Variants in FANCD2OS observed in about 807,000 individuals in gnomAD.
FANCD2OS encodes FANCD2 opposite strand protein.
In FANCD2OS, 11 loss-of-function variants were observed where a neutral mutation model predicts 13.2. The observed-to-expected ratio is 0.83, with a 90% CI of 0.52 to 1.38. The LOEUF (loss-of-function observed/expected upper bound fraction) is 1.38. FANCD2OS is among the 40% of genes most tolerant of loss of function. The pLI is 0.00. For missense variants in FANCD2OS, 217 were observed against 213.9 expected (o/e 1.01, Z -0.09); for synonymous variants, 69 against 84.5 (o/e 0.82, Z 1.01).
chr3:10,090,299 TTTG>T lies in FANCD2OS; in HGVS notation c.*44-8771_*44-8769del, dbSNP rs1694511154. On this transcript the variant is annotated intron_variant, in intron 2 of 2. Transcript: ENST00000524279. ...GCTTTTCCCGTCTTCTAGGCATACT[TTTG>T]TTGTTTTCTTCCGTGTGATGATGGC... 6.2e-7 allele frequency: 1 copy of T among 1,613,050 alleles called. No homozygotes were observed. The highest frequency in any genetic ancestry group is 8.5e-7 in the Non-Finnish European group (1 of 1,179,396).
At position 10,094,419 on chromosome 3, in the gene FANCD2OS, T is replaced by C. The variant is rs34441486; in HGVS notation, c.*43+9779A>G. 739 of 1,439,450 alleles carry C rather than the reference T, an allele frequency of 5.1e-4. 9 individuals are homozygous for C. The East Asian group carries it at 0.015, about 29-fold the overall frequency. The allele number at this position is 1,439,450 out of a possible 1,614,324, so 89.2% of individuals were successfully genotyped here. Reference sequence around the variant, plus strand: ...GCACTGAAGAGTTGCTCAGAAGATATGTCCTTGGTGACTCCTGGGTGGGGC... The same window carrying C: ...GCACTGAAGAGTTGCTCAGAAGATACGTCCTTGGTGACTCCTGGGTGGGGC... On this transcript the variant is annotated intron_variant, in intron 2 of 2. Transcript: ENST00000524279.
downstream of FANCD2OS, among the ~76,000 whole-genome samples, chr3:10,102,484 A>G (rs1267546858): frequency 5.3e-5 from 8 of 152,020 alleles, no homozygotes; most frequent in Non-Finnish European, 1.2e-4. Flanking sequence ...GTCAAAAGGA[A>G]TGTTTTGGCT....
At chr3:10,096,375 C>G (rs1694965189) in intron 2 of FANCD2OS, 1 of 1,613,908 alleles carries the variant, frequency 6.2e-7, no homozygotes, top group Admixed American at 1.7e-5. Context: ...CTCAAAAAGA[C>G]CCTGGAACTT....
At chr3:10,086,586 A>G (rs1694220226) in intron 2 of FANCD2OS, among the ~76,000 whole-genome samples, 1 of 151,930 alleles carries the variant, frequency 6.6e-6, no homozygotes, top group Admixed American at 6.6e-5. Flanking sequence ...GGCTCAAGTG[A>G]TTGTACTGCC....
At position 10,092,161 on chromosome 3, in the gene FANCD2OS, C is replaced by T. The variant is rs751107447; in HGVS notation, c.*44-10630G>A. The stretch of plus-strand genomic sequence containing the variant: ...TATTTGGCTGTGACTCAGAGGTGCC[C>T]ATATATTTGGCTGCCCCAGATTCAT... On this transcript the variant is annotated intron_variant, in intron 2 of 2. Transcript: ENST00000524279. 2.4e-5 allele frequency: 38 copies of T among 1,587,584 alleles called. No homozygotes were observed. The highest frequency in any genetic ancestry group is 3.0e-5 in the Non-Finnish European group (35 of 1,155,962).
chr3:10,106,044 C>A (rs1186167890), intron 1 of FANCD2OS, among the ~76,000 whole-genome samples: 4 of 151,808 alleles, frequency 2.6e-5, no homozygotes, highest in Non-Finnish European at 5.9e-5. Flanking sequence ...TTACTGAGAT[C>A]ATCTCCTGGC....
intron 1 of FANCD2OS, among the ~76,000 whole-genome samples, chr3:10,105,773 T>TAAAA (rs1695472708): frequency 2.1e-3 from 3 of 1,410 alleles, no homozygotes; most frequent in African/African-American, 8.1e-3. Flanking sequence ...AAAAAAAAAT[T>TAAAA]ATATATATAT....
chr3:10,100,142 C>T (rs565445624), downstream of FANCD2OS, among the ~76,000 whole-genome samples: 1 of 152,014 alleles, frequency 6.6e-6, no homozygotes, highest in Non-Finnish European at 1.5e-5. Flanking sequence ...GAGCCATCAT[C>T]ACACTCCAGC....
At chr3:10,091,074 T>A (rs1383260629) in intron 2 of FANCD2OS, among the ~76,000 whole-genome samples, 2 of 151,720 alleles carry the variant, frequency 1.3e-5, no homozygotes, top group African/African-American at 4.8e-5. Context: ...AGCCAGTATA[T>A]GTTTTTTCTT....
At chr3:10,087,049 G>A in intron 2 of FANCD2OS, 1 of 1,462,104 alleles carries the variant, frequency 6.8e-7, no homozygotes, top group South Asian at 1.1e-5. Flanking sequence ...CACTGAAAGG[G>A]ACTTGGGCAC....
chr3:10,096,234 G>A (rs1231450209), intron 2 of FANCD2OS: 2 of 1,351,508 alleles, frequency 1.5e-6, no homozygotes, highest in Non-Finnish European at 2.1e-6. Flanking sequence ...GGCAGGGCTT[G>A]TGTTCTTATT....
chr3:10,093,795 C>G (rs371741197), intron 2 of FANCD2OS, among the ~76,000 whole-genome samples: 2 of 152,320 alleles, frequency 1.3e-5, no homozygotes, highest in African/African-American at 4.8e-5. Context: ...TACTTCGCCA[C>G]TCCTCAAGTT....
chr3:10,092,993 C>T lies in FANCD2OS; in HGVS notation c.*43+11205G>A, dbSNP rs1012850046. On this transcript the variant is annotated intron_variant, in intron 2 of 2. Coordinates refer to the FANCD2OS transcript ENST00000524279. ...AGGCATGAGCCAGCATGCCCAGCCT[C>T]ATCCAGTCTTTCTTAAGTCTTCAGA... Among the ~76,000 whole-genome samples, 18 of 152,242 alleles carry T rather than the reference C, an allele frequency of 1.2e-4. 1 individual carries two copies. Among genetic ancestry groups the T allele is most frequent in the Middle Eastern group, 6.8e-3 (2 of 294 alleles).
intron 2 of FANCD2OS, chr3:10,087,398 A>G (rs1694283044): frequency 1.2e-6 from 1 of 817,494 alleles, no homozygotes; most frequent in South Asian, 1.7e-5. Flanking sequence ...CCCTCTTGCT[A>G]TACCAAGAAG....
chr3:10,101,377 CTTTTTTTTTT>C (rs950337384), downstream of FANCD2OS: 133 of 388,506 alleles, frequency 3.4e-4, no homozygotes, highest in Middle Eastern at 5.9e-4. Context: ...TTTTGTTCCT[CTTTTTTTTTT>C]TTTTTTTTTT....
At chr3:10,089,010 C>A in intron 2 of FANCD2OS, 1 of 1,582,334 alleles carries the variant, frequency 6.3e-7, no homozygotes, top group Non-Finnish European at 8.7e-7. Context: ...AGGCTGGGCA[C>A]GGTGGCACAC....
intron 2 of FANCD2OS, among the ~76,000 whole-genome samples, chr3:10,089,782 A>G (rs1452994085): frequency 2.0e-5 from 3 of 152,316 alleles, no homozygotes; most frequent in Admixed American, 1.3e-4. Flanking sequence ...TATTTTAGCC[A>G]TCTTGAGAAC....
Position 10,104,118 on chromosome 3 carries a change from T to A in FANCD2OS, c.*123A>T. The A allele has an allele frequency of 1.1e-6, 1 of 938,756 alleles. No homozygotes were observed. Among genetic ancestry groups the A allele is most frequent in the Middle Eastern group, 2.6e-4 (1 of 3,884 alleles). The allele number at this position is 938,756 out of a possible 1,614,324, so 58.2% of individuals were successfully genotyped here. ...AAAGGGGCTCCTGAATCATCACTGC[T>A]TGAAACAAAAGCAAGATGGCTGGGA... On this transcript the variant is annotated 3_prime_UTR_variant, in exon 2 of 2. Transcript: ENST00000450660.
At chr3:10,087,412 A>G in intron 2 of FANCD2OS, 1 of 753,950 alleles carries the variant, frequency 1.3e-6, no homozygotes, top group South Asian at 1.8e-5. Context: ...CAAGAAGGTC[A>G]TTTTCCCAGA....
Sources: allele counts gnomAD v4.1 joint callset (sites outside exome capture counted in the v4.1 genomes callset), GRCh38; gene constraint gnomAD v4.1.1; transcripts MANE v1.5; gene names NCBI Gene and HGNC (gene_info 2026-07-23, HGNC 2026-07-21).